Variants in MYDGF observed in about 807,000 individuals in gnomAD.
The protein encoded by MYDGF is myeloid derived growth factor, also known as myeloid-derived growth factor.
A neutral mutation model predicts 24.2 loss-of-function variants in MYDGF; 29 were observed. The ratio of observed to expected loss-of-function variants is 1.20; its 90% CI spans 0.89 to 1.63. The LOEUF (loss-of-function observed/expected upper bound fraction) is 1.63. Among genes scored for constraint, MYDGF ranks in the 40% most tolerant of loss-of-function variants. The pLI is 0.00. For synonymous variants in MYDGF, 105 were observed against 102.5 expected (o/e 1.02, Z -0.15); for missense variants, 245 against 234.8 (o/e 1.04, Z -0.29).
intron 3 of MYDGF, among the ~76,000 whole-genome samples, chr19:4,663,901 AG>A (rs1026905115): frequency 1.3e-5 from 2 of 149,292 alleles, no homozygotes; most frequent in Non-Finnish European, 3.0e-5. Flanking sequence ...TGGTGCCTGG[AG>A]GGGCTCCCTG....
intron 4 of MYDGF, 182 bp downstream of exon 4, chr19:4,660,487 C>T (rs1365084232): frequency 1.0e-5 from 6 of 576,524 alleles, no homozygotes; most frequent in East Asian, 9.0e-5. Flanking sequence ...ACCAAACCCC[C>T]GTGCCCCTGG....
chr19:4,660,818 G>A lies in MYDGF; in HGVS notation c.288-68C>T, dbSNP rs185395879. Reference sequence around the variant, plus strand: ...GGGTCTGGGTCTGTGTGCCCTGGAAGGAGCCCCGCCAGGGACTCGGGCTGG... The same window carrying A: ...GGGTCTGGGTCTGTGTGCCCTGGAAAGAGCCCCGCCAGGGACTCGGGCTGG... On this transcript the variant is annotated intron_variant, in intron 3 of 5. Coordinates refer to ENST00000262947, the MANE Select transcript of MYDGF (RefSeq NM_019107.4). The A allele has an allele frequency of 1.8e-3, 2,508 of 1,395,928 alleles. 15 individuals carry two copies. The highest frequency in any genetic ancestry group is 1.4e-3 in the Non-Finnish European group (1,427 of 1,004,542). 86.5% of individuals were successfully genotyped at this position (1,395,928 alleles called of 1,614,324 possible).
chr19:4,664,974 C>A (rs746115501), intron 2 of MYDGF, 37 bp from the exon 3 acceptor site: 1 of 1,604,462 alleles, frequency 6.2e-7, no homozygotes, highest in Non-Finnish European at 8.5e-7. Context: ...GCCCCGGACA[C>A]ACAGCTGCTC....
At chr19:4,662,564 G>A (rs189174482) in intron 3 of MYDGF, among the ~76,000 whole-genome samples, 9 of 152,148 alleles carry the variant, frequency 5.9e-5, no homozygotes, top group Admixed American at 3.9e-4. Context: ...AGAGGATGGC[G>A]GCAGGGGCAG....
intron 4 of MYDGF, 50 bp downstream of exon 4, chr19:4,660,619 C>T (rs768673978): frequency 6.5e-7 from 1 of 1,528,766 alleles, no homozygotes; most frequent in East Asian, 2.3e-5. Context: ...CACAGCTGCC[C>T]CAGTGCACAG....
chr19:4,667,121 CTTTT>C (rs57093750), intron 2 of MYDGF, among the ~76,000 whole-genome samples: 202 of 102,162 alleles, frequency 2.0e-3, no homozygotes, highest in African/African-American at 6.8e-3. Context: ...TCAAATCACC[CTTTT>C]TTTTTTTTTT....
rs1419306419 is a variant in MYDGF, at chr19:4,663,200, A to ATCCAC, written c.287+1675_287+1676insGTGGA. ...ACACAGCCTCCAATCTACCCTCCCC[A>ATCCAC]CCCGTCCTGTCCTCATTCTACACAG... On this transcript the variant is annotated intron_variant, in intron 3 of 5. Transcript: ENST00000262947. 4.8e-3 allele frequency among the ~76,000 whole-genome samples: 132 copies of ATCCAC among 27,500 alleles called. 1 individual carries two copies. Among genetic ancestry groups the ATCCAC allele is most frequent in the East Asian group, 9.4e-3 (10 of 1,064 alleles). 18.0% of individuals were successfully genotyped at this position (27,500 alleles called of 152,430 possible). A position where few individuals can be genotyped will look rare whatever the true frequency, so the allele number is the denominator to read the frequency against.
intron 3 of MYDGF, among the ~76,000 whole-genome samples, chr19:4,662,693 A>G (rs1853472353): frequency 6.6e-6 from 1 of 152,080 alleles, no homozygotes; most frequent in South Asian, 2.1e-4. Flanking sequence ...GCACCCCAAG[A>G]AGGCTATGAG....
chr19:4,669,342 T>C (rs1315551885), intron 1 of MYDGF, among the ~76,000 whole-genome samples: 3 of 152,132 alleles, frequency 2.0e-5, no homozygotes, highest in Non-Finnish European at 4.4e-5. Context: ...TCCCAGCTAC[T>C]TGGGAGGCTG....
chr19:4,660,560 G>T, intron 4 of MYDGF, 109 bp downstream of exon 4: 2 of 1,042,572 alleles, frequency 1.9e-6, no homozygotes, highest in Non-Finnish European at 2.9e-6. Context: ...AGGATTCGCT[G>T]TCCCCTCTCC....
At position 4,670,335 on chromosome 19, in the gene MYDGF, G is replaced by A. The variant is rs1302224402; in HGVS notation, c.-1C>T. ...TCCACCCTCCGCTGGGCGCCGCCAT[G>A]TTGGACTAGGGTCCTCAGGGCAGGG... On this transcript the variant is annotated 5_prime_UTR_variant, in exon 1 of 6. Transcript: ENST00000262947. 17 of 1,449,368 alleles carry A rather than the reference G, an allele frequency of 1.2e-5. No homozygotes were observed. The highest frequency in any genetic ancestry group is 1.4e-5 in the Non-Finnish European group (15 of 1,099,504). 89.8% of individuals were successfully genotyped at this position (1,449,368 alleles called of 1,614,324 possible).
intron 3 of MYDGF, 86 bp from the exon 4 acceptor site, chr19:4,660,836 C>T (rs374135980): frequency 3.4e-5 from 39 of 1,151,630 alleles, no homozygotes; most frequent in East Asian, 1.8e-4. Flanking sequence ...GCCAGGGACT[C>T]GGGCTGGGGT....
At chr19:4,666,523 G>C (rs1337103856) in intron 2 of MYDGF, among the ~76,000 whole-genome samples, 2 of 152,022 alleles carry the variant, frequency 1.3e-5, no homozygotes, top group African/African-American at 4.8e-5. Context: ...CGATCCACCT[G>C]CCTTGGCCTC....
chr19:4,670,173 GT>G lies in MYDGF; in HGVS notation c.161del (p.Asn54ThrfsTer26). 2 of 1,548,914 alleles carry G rather than the reference GT, an allele frequency of 1.3e-6. No individual in the cohort carries two copies. The highest frequency in any genetic ancestry group is 1.7e-6 in the Non-Finnish European group (2 of 1,149,840). ...PGGVVHSFSH[N>X]VGPGDKYTCM... is the part of the protein sequence containing the mutation. ...CGGTGGCACGTACCCCCGGGCCCAC[GT>G]TATGGGAGAAGGAATGCACGACGCC... On this transcript the variant is annotated frameshift_variant, in exon 1 of 6. Coordinates refer to ENST00000262947, the MANE Select transcript of MYDGF (RefSeq NM_019107.4). LOFTEE classifies it high-confidence loss of function.
At chr19:4,668,261 T>A (rs2088535670) in intron 2 of MYDGF, among the ~76,000 whole-genome samples, 1 of 152,120 alleles carries the variant, frequency 6.6e-6, no homozygotes, top group Non-Finnish European at 1.5e-5. Flanking sequence ...AGCTATGAGA[T>A]AATAAATGGG....
At chr19:4,663,001 C>T (rs892627359) in intron 3 of MYDGF, among the ~76,000 whole-genome samples, 8 of 151,350 alleles carry the variant, frequency 5.3e-5, no homozygotes, top group Non-Finnish European at 8.9e-5. Context: ...TCATTTTACA[C>T]AGCCTCCAGT....
At position 4,668,689 on chromosome 19, in the gene MYDGF, T is replaced by G. The variant is rs529632347; in HGVS notation, c.175-44A>C. Reference sequence around the variant, plus strand: ...AAAAAGGTTTGGTAGAAGGAAATTTTTATTTTGTTTAAGAGACGGGGTCTT... The same window carrying G: ...AAAAAGGTTTGGTAGAAGGAAATTTGTATTTTGTTTAAGAGACGGGGTCTT... On this transcript the variant is annotated intron_variant, in intron 1 of 5. Transcript: ENST00000262947. 3 of 1,555,990 alleles carry G rather than the reference T, an allele frequency of 1.9e-6. No individual in the cohort carries two copies. In the African/African-American group the frequency reaches 4.1e-5, roughly 21 times the overall value.
chr19:4,668,307 G>A (rs1427907922), intron 2 of MYDGF, among the ~76,000 whole-genome samples: 1 of 152,190 alleles, frequency 6.6e-6, no homozygotes, highest in Non-Finnish European at 1.5e-5. Context: ...ATAACTTGTT[G>A]CACTGCACAT....
chr19:4,667,100 G>A (rs1397343561), intron 2 of MYDGF, among the ~76,000 whole-genome samples: 1 of 146,726 alleles, frequency 6.8e-6, no homozygotes, highest in Non-Finnish European at 1.5e-5. Context: ...TGGCGTATGT[G>A]TCCATGTGCT....
Sources: allele counts gnomAD v4.1 joint callset (sites outside exome capture counted in the v4.1 genomes callset), GRCh38; gene constraint gnomAD v4.1.1; transcripts MANE v1.5; gene names NCBI Gene and HGNC (gene_info 2026-07-23, HGNC 2026-07-21).